Variants in CASP8 observed in about 807,000 individuals in gnomAD.
CASP8 encodes caspase-8.
In CASP8, 24 loss-of-function variants were observed where a neutral mutation model predicts 46.3. The observed-to-expected ratio is 0.52, with a 90% CI of 0.38 to 0.73. The LOEUF is 0.73. CASP8 is among the 30% of genes least tolerant of loss of function. CASP8 has a pLI of 0.00. For missense variants in CASP8, 460 were observed against 559.0 expected (o/e 0.82, Z 1.79); for synonymous variants, 188 against 200.4 (o/e 0.94, Z 0.52).
At chr2:201,265,557 T>C (rs1947750634) in intron 1 of CASP8, among the ~76,000 whole-genome samples, 2 of 152,200 alleles carry the variant, frequency 1.3e-5, no homozygotes, top group African/African-American at 4.8e-5. Flanking sequence ...TCTTCCAGTC[T>C]GTCCTTTGCA....
At chr2:201,264,795 C>A (rs186562482) in intron 1 of CASP8, among the ~76,000 whole-genome samples, 128 of 152,200 alleles carry the variant, frequency 8.4e-4, no homozygotes, top group Middle Eastern at 6.8e-3. Context: ...TTGCGCCCTG[C>A]ACTCCAGCCT....
At chr2:201,271,719 T>G in intron 3 of CASP8, 98 bp downstream of exon 3, 1 of 766,636 alleles carries the variant, frequency 1.3e-6, no homozygotes, top group Non-Finnish European at 2.4e-6. Flanking sequence ...AAAAGCAACC[T>G]GGATTCTCAC....
In CASP8 at chr2:201,266,566, T is replaced by A. The variant is rs768253756; in HGVS notation, c.80T>A (p.Leu27Gln). The A allele has an allele frequency of 1.2e-6, 2 of 1,614,120 alleles. No homozygotes were observed. Among genetic ancestry groups the A allele is most frequent in the South Asian group, 1.1e-5 (1 of 91,090 alleles). ...CTGGCCTCCCTCAAGTTCCTGAGCC[T>A]GGACTACATTCCGCAAAGGAAGCAA... ...EDLASLKFLS[L>Q]DYIPQRKQEP... The change falls in exon 2 of 9, where the codon CTG becomes CAG. Residue 27 changes from leucine to glutamine, a missense_variant. Leu to Gln is a moderately radical substitution (Grantham distance 113, BLOSUM62 -2). Transcript: ENST00000673742. The surrounding 1 kb of genome is among the most constrained non-coding windows in gnomAD (Gnocchi z 5.7).
At chr2:201,285,415 T>C in intron 8 of CASP8, 98 bp downstream of exon 8, 1 of 1,436,058 alleles carries the variant, frequency 7.0e-7, no homozygotes, top group Non-Finnish European at 9.7e-7. Flanking sequence ...TATTAGAAAG[T>C]GCTATGTGAT....
At chr2:201,281,703 T>C (rs1949024281) in intron 7 of CASP8, 2 of 455,474 alleles carry the variant, frequency 4.4e-6, no homozygotes, top group Admixed American at 3.5e-5. Flanking sequence ...TTTCTGATTA[T>C]GTAAATAATA....
chr2:201,236,060 T>G (rs77214497), intron 2 of CASP8, among the ~76,000 whole-genome samples: 101 of 152,328 alleles, frequency 6.6e-4, no homozygotes, highest in African/African-American at 2.3e-3. Context: ...TCTTGGAACT[T>G]ATGCCTGTCA....
At chr2:201,244,818 G>A (rs1023089434) in intron 2 of CASP8, among the ~76,000 whole-genome samples, 1 of 152,158 alleles carries the variant, frequency 6.6e-6, no homozygotes, top group Non-Finnish European at 1.5e-5. Flanking sequence ...AATTGAAGGG[G>A]GTGGGGGGCC....
intron 2 of CASP8, among the ~76,000 whole-genome samples, chr2:201,267,501 T>C (rs1303537888): frequency 6.6e-6 from 1 of 152,038 alleles, no homozygotes; most frequent in African/African-American, 2.4e-5. Context: ...TCTAAGCTTC[T>C]ATAGGAAGAC....
Position 201,270,375 on chromosome 2 carries a change from G to A in CASP8, c.306-1141G>A, listed in dbSNP as rs561346980. ...GGATAATTATCTTCAGTCTATGGAC[G>A]AGGAAAAAATGTGTAACATGTCTAA... On this transcript the variant is annotated intron_variant, in intron 2 of 8. Coordinates refer to ENST00000673742, the MANE Select transcript of CASP8 (RefSeq NM_001372051.1). Among the ~76,000 whole-genome samples, 42 of 152,272 alleles carry A rather than the reference G, an allele frequency of 2.8e-4. No individual in the cohort carries two copies. The East Asian group carries it at 5.8e-3, about 21-fold the overall frequency.
chr2:201,271,407 G>T, intron 2 of CASP8, 109 bp from the exon 3 acceptor site: 1 of 760,586 alleles, frequency 1.3e-6, no homozygotes, highest in Non-Finnish European at 2.4e-6. Flanking sequence ...CCATTAACTG[G>T]CTTTATGTTG....
upstream of CASP8, among the ~76,000 whole-genome samples, chr2:201,257,469 G>A (rs1287100235): frequency 4.6e-5 from 6 of 129,056 alleles, no homozygotes; most frequent in Non-Finnish European, 8.0e-5. Context: ...GCAACGCACC[G>A]AGACTCCGTC....
chr2:201,235,210 C>T (rs567827234), intron 2 of CASP8, among the ~76,000 whole-genome samples: 1 of 152,138 alleles, frequency 6.6e-6, no homozygotes, highest in South Asian at 2.1e-4. Flanking sequence ...TTATGTCTGC[C>T]TTATGTGATA....
intron 2 of CASP8, among the ~76,000 whole-genome samples, chr2:201,247,483 A>ATT (rs34493196): frequency 3.6e-5 from 5 of 137,204 alleles, no homozygotes; most frequent in Admixed American, 7.4e-5. Flanking sequence ...AGCACAACCT[A>ATT]TTTTTTTTTT....
chr2:201,265,042 C>T (rs1386264970), intron 1 of CASP8, among the ~76,000 whole-genome samples: 2 of 152,064 alleles, frequency 1.3e-5, no homozygotes, highest in Non-Finnish European at 2.9e-5. Flanking sequence ...ACAAAAAAAC[C>T]ACTGCTGCTG....
At chr2:201,247,204 A>C (rs1323090378) in intron 2 of CASP8, among the ~76,000 whole-genome samples, 1 of 151,472 alleles carries the variant, frequency 6.6e-6, no homozygotes, top group African/African-American at 2.4e-5. Flanking sequence ...AAAAAAAAAA[A>C]AAAAAAAAAA....
chr2:201,276,881 A>T lies in CASP8; in HGVS notation c.715A>T (p.Ile239Phe). The T allele has an allele frequency of 6.2e-7, 1 of 1,614,174 alleles. No individual in the cohort carries two copies. Among genetic ancestry groups the T allele is most frequent in the Non-Finnish European group, 8.5e-7 (1 of 1,179,986 alleles). Residue 239 changes from isoleucine (I) to phenylalanine (F), a missense_variant, in exon 7 of 9, where the codon ATC becomes TTC. By Grantham distance (21) the Ile-to-Phe change is conservative (BLOSUM62 0). Coordinates refer to ENST00000673742, the MANE Select transcript of CASP8 (RefSeq NM_001372051.1). Reference sequence around the variant, plus strand: ...CAAACCTCGGGGATACTGTCTGATCATCAACAATCACAATTTTGCAAAAGC... The same window carrying T: ...CAAACCTCGGGGATACTGTCTGATCTTCAACAATCACAATTTTGCAAAAGC... ...KSKPRGYCLI[I>F]NNHNFAKARE...
At chr2:201,284,707 A>AGGGAGACGGGGAGAGGGAGG in intron 7 of CASP8, 109 bp from the exon 8 acceptor site, 1 of 167,266 alleles carries the variant, frequency 6.0e-6, no homozygotes, top group African/African-American at 4.5e-5. Flanking sequence ...GGAGAGGGAG[A>AGGGAGACGGGGAGAGGGAGG]GGGAGAGGGG....
chr2:201,266,180 A>G lies in CASP8; in HGVS notation c.-26-281A>G, dbSNP rs1255441167. 3.9e-5 allele frequency among the ~76,000 whole-genome samples: 6 copies of G among 152,118 alleles called. No homozygotes were observed. The highest frequency in any genetic ancestry group is 5.9e-5 in the Non-Finnish European group (4 of 68,010). On this transcript the variant is annotated intron_variant, in intron 1 of 8. Transcript: ENST00000673742. This position sits in a 1 kb window ranked among gnomAD's most constrained non-coding sequence, Gnocchi z 5.7. The stretch of plus-strand genomic sequence containing the variant: ...CTTTTAGTAGAGACGGGGTTTCACC[A>G]TGTTAGTCAGGCTGGTCTCAAACTC...
At chr2:201,273,692 T>G (rs1948445460) in intron 5 of CASP8, among the ~76,000 whole-genome samples, 1 of 152,032 alleles carries the variant, frequency 6.6e-6, no homozygotes, top group Non-Finnish European at 1.5e-5. Context: ...TTTTTTTTTT[T>G]GAGACAGTGT....
Sources: allele counts gnomAD v4.1 joint callset (sites outside exome capture counted in the v4.1 genomes callset), GRCh38; gene constraint gnomAD v4.1.1; non-coding constraint Gnocchi (gnomAD v3.1); transcripts MANE v1.5; gene names NCBI Gene and HGNC (gene_info 2026-07-23, HGNC 2026-07-21).